The following EIF4B variants were observed in gnomAD, a reference collection of about 807,000 sequenced individuals.
EIF4B encodes eukaryotic translation initiation factor 4B.
In EIF4B, 8 loss-of-function variants were observed where a neutral mutation model predicts 79.3. That is an observed-to-expected ratio of 0.10 (90% confidence interval 0.06 to 0.18). EIF4B has a LOEUF of 0.18. EIF4B is among the 10% of genes least tolerant of loss of function. EIF4B has a pLI of 1.00. For missense variants in EIF4B, 515 were observed against 792.4 expected (o/e 0.65, Z 4.20); for synonymous variants, 238 against 274.7 (o/e 0.87, Z 1.32).
At chr12:53,031,971 A>G (rs1006456269) in intron 8 of EIF4B, among the ~76,000 whole-genome samples, 15 of 152,184 alleles carry the variant, frequency 9.9e-5, no homozygotes, top group African/African-American at 3.4e-4. Context: ...ACAAACAATC[A>G]TTTTTAGAAA....
At chr12:53,011,540 A>G (rs756244088) in intron 1 of EIF4B, among the ~76,000 whole-genome samples, 14 of 152,212 alleles carry the variant, frequency 9.2e-5, no homozygotes, top group Non-Finnish European at 1.5e-4. Flanking sequence ...GGGGATTACT[A>G]TTGGCATCTA....
chr12:53,026,215 T>C (rs769057572), intron 6 of EIF4B, among the ~76,000 whole-genome samples: 21 of 152,240 alleles, frequency 1.4e-4, no homozygotes, highest in Non-Finnish European at 2.8e-4. Flanking sequence ...TCAGATTTTT[T>C]TTTTAACTTT....
At chr12:53,016,735 AC>A (rs1592216311) in intron 2 of EIF4B, 125 bp downstream of exon 2, 1 of 1,341,470 alleles carries the variant, frequency 7.5e-7, no homozygotes, top group East Asian at 2.6e-5. Context: ...CTGAAATCTT[AC>A]ATATTTTATA....
intron 8 of EIF4B, among the ~76,000 whole-genome samples, chr12:53,030,400 A>T (rs1393285448): frequency 3.6e-5 from 3 of 82,696 alleles, no homozygotes; most frequent in African/African-American, 6.2e-5. Flanking sequence ...AATAGGTTTT[A>T]AAAAATTATA....
chr12:53,007,720 A>C (rs1371908710), intron 1 of EIF4B, among the ~76,000 whole-genome samples: 1 of 152,160 alleles, frequency 6.6e-6, no homozygotes, highest in Admixed American at 6.6e-5. Flanking sequence ...TTACCTAGTA[A>C]TTCATCGTCT....
chr12:53,032,434 A>G (rs1943462814), intron 8 of EIF4B, among the ~76,000 whole-genome samples: 3 of 152,312 alleles, frequency 2.0e-5, no homozygotes, highest in Admixed American at 6.5e-5. Flanking sequence ...CTGTCTCAAA[A>G]AAAATAAAGA....
chr12:53,017,281 GT>G (rs1480512849), intron 2 of EIF4B, among the ~76,000 whole-genome samples: 3 of 151,128 alleles, frequency 2.0e-5, no homozygotes, highest in Admixed American at 2.0e-4. Flanking sequence ...ATGTTTCAGT[GT>G]AATCTGTAAG....
intron 8 of EIF4B, among the ~76,000 whole-genome samples, chr12:53,029,106 C>T (rs1943389788): frequency 7.5e-6 from 1 of 132,652 alleles, no homozygotes; most frequent in Admixed American, 8.5e-5. Flanking sequence ...GCCTGGGCGA[C>T]AGTGAGACTG....
chr12:53,009,268 A>G (rs1943022349), intron 1 of EIF4B, among the ~76,000 whole-genome samples: 1 of 152,226 alleles, frequency 6.6e-6, no homozygotes, highest in African/African-American at 2.4e-5. Context: ...TCATGCCTGT[A>G]ATCCCAGCAC....
At chr12:53,007,142 C>T (rs997503413) in intron 1 of EIF4B, among the ~76,000 whole-genome samples, 6 of 152,252 alleles carry the variant, frequency 3.9e-5, no homozygotes, top group South Asian at 2.1e-4. Context: ...TGTCTCTTCC[C>T]TTTCTAGAGT....
At chr12:53,035,092 C>T (rs1178927523) in intron 10 of EIF4B, among the ~76,000 whole-genome samples, 1 of 151,394 alleles carries the variant, frequency 6.6e-6, no homozygotes, top group African/African-American at 2.4e-5. Context: ...ATGTTATCAT[C>T]ACCAGAGCAG....
At chr12:53,029,292 C>T (rs1317088970) in intron 8 of EIF4B, among the ~76,000 whole-genome samples, 2 of 151,976 alleles carry the variant, frequency 1.3e-5, no homozygotes, top group South Asian at 2.1e-4. Flanking sequence ...TAATAAATGG[C>T]CACCATTTGT....
intron 6 of EIF4B, among the ~76,000 whole-genome samples, chr12:53,027,448 T>A (rs1943356413): frequency 6.6e-6 from 1 of 152,100 alleles, no homozygotes; most frequent in Non-Finnish European, 1.5e-5. Context: ...AAAATTTTTT[T>A]AATTAAAAAA....
intron 11 of EIF4B, chr12:53,037,993 G>A (rs960635823): frequency 3.7e-6 from 1 of 270,684 alleles, no homozygotes; most frequent in Non-Finnish European, 7.0e-6. Context: ...CGTGGTGGCA[G>A]GTACCTGTAA....
At chr12:53,038,707 C>T (rs59892423) in intron 12 of EIF4B, 13,554 of 171,844 alleles carry the variant, frequency 0.079, 888 homozygotes, top group African/African-American at 0.18. Flanking sequence ...CCCAGCTACT[C>T]GGGAGACGCT....
intron 1 of EIF4B, among the ~76,000 whole-genome samples, chr12:53,010,749 C>T (rs1324935695): frequency 6.6e-6 from 1 of 151,936 alleles, no homozygotes; most frequent in African/African-American, 2.4e-5. Flanking sequence ...TGGGTTCAAG[C>T]GGTTCTAGAG....
At chr12:53,037,729 A>T in intron 11 of EIF4B, 107 bp downstream of exon 11, 1 of 1,216,358 alleles carries the variant, frequency 8.2e-7, no homozygotes, top group South Asian at 1.5e-5. Context: ...GCACCTTATA[A>T]GTTATGCTGG....
intron 4 of EIF4B, among the ~76,000 whole-genome samples, chr12:53,021,064 C>T (rs911466195): frequency 3.4e-5 from 5 of 147,116 alleles, no homozygotes; most frequent in African/African-American, 1.2e-4. Flanking sequence ...AACTAAAAAT[C>T]ATTGTTATCC....
At chr12:53,016,439 T>C in intron 1 of EIF4B, 34 bp from the exon 2 acceptor site, 1 of 1,611,552 alleles carries the variant, frequency 6.2e-7, no homozygotes. Flanking sequence ...ACCTGAGTAT[T>C]GGTGAATAAT....
Sources: gnomAD v4.1 joint callset for allele counts (sites outside exome capture counted in the v4.1 genomes callset) on GRCh38, gnomAD v4.1.1 for gene constraint, MANE v1.5 for transcripts, NCBI Gene and HGNC (gene_info 2026-07-23, HGNC 2026-07-21) for gene names.